DOCK11: variants seen among roughly 807,000 people sequenced by gnomAD.
The protein encoded by DOCK11 is dedicator of cytokinesis protein 11.
DOCK11 carries 70 observed loss-of-function variants against 169.1 expected under a neutral mutation model. That is an observed-to-expected ratio of 0.41 (90% CI 0.34 to 0.51). The LOEUF is 0.51. Among genes scored for constraint, DOCK11 ranks in the 20% least tolerant of loss-of-function variants. The pLI is 0.10. For missense variants in DOCK11, 1,166 were observed against 1,538.8 expected (o/e 0.76, Z 4.05); for synonymous variants, 529 against 541.3 (o/e 0.98, Z 0.32).
chrX:118,518,216 A>G (rs2057701549), intron 1 of DOCK11, among the ~76,000 whole-genome samples: 1 of 111,849 alleles, frequency 8.9e-6, no homozygotes, highest in African/African-American at 3.3e-5. Flanking sequence ...ATGAATTATG[A>G]GCTTTGAAAT....
At chrX:118,596,161 C>A (rs2014161911) in intron 20 of DOCK11, among the ~76,000 whole-genome samples, 1 of 112,181 alleles carries the variant, frequency 8.9e-6, no homozygotes, top group African/African-American at 3.2e-5. Context: ...GGCTGGAAAT[C>A]TTTTCTCATT....
At chrX:118,551,613 G>A (rs1320334008) in intron 6 of DOCK11, among the ~76,000 whole-genome samples, 1 of 110,402 alleles carries the variant, frequency 9.1e-6, no homozygotes, top group Non-Finnish European at 1.9e-5. Flanking sequence ...TGGGAGGATC[G>A]CTTGAGCCTG....
chrX:118,539,631 A>C (rs1277773741), intron 1 of DOCK11, among the ~76,000 whole-genome samples: 1 of 111,926 alleles, frequency 8.9e-6, no homozygotes, highest in Non-Finnish European at 1.9e-5. Context: ...GATAGATATA[A>C]CTAGCTTAAT....
chrX:118,553,438 T>G (rs1407051877), intron 6 of DOCK11, among the ~76,000 whole-genome samples: 2 of 111,818 alleles, frequency 1.8e-5, no homozygotes, highest in African/African-American at 6.5e-5. Flanking sequence ...TTGGCTCAAT[T>G]TGGTCACATT....
At chrX:118,558,962 G>T (rs1440791774) in intron 6 of DOCK11, among the ~76,000 whole-genome samples, 1 of 112,223 alleles carries the variant, frequency 8.9e-6, no homozygotes, top group Non-Finnish European at 1.9e-5. Flanking sequence ...TGGTTAGCAG[G>T]AGATACTGGC....
At position 118,624,630 on chromosome X, in the gene DOCK11, A is replaced by G. The variant is rs202108744; in HGVS notation, c.3563A>G (p.Tyr1188Cys). The G allele has an allele frequency of 3.8e-4, 453 of 1,197,335 alleles. No individual in the cohort carries two copies. The highest frequency in any genetic ancestry group is 4.9e-4 in the Non-Finnish European group (435 of 885,837). The stretch of plus-strand genomic sequence containing the variant: ...CGATTAGCAGGTCGAGATACCTTGT[A>G]TTCTTGTGCAGCCATGCCTAATTCT... ...IQRLAGRDTL[Y>C]SCAAMPNSAS... Residue 1188 changes from tyrosine to cysteine, a missense_variant, in exon 32 of 53, where the codon TAT (tyrosine) becomes TGT (cysteine). Transcript: ENST00000276202.
At chrX:118,630,753 T>G (rs1193609375) in intron 35 of DOCK11, among the ~76,000 whole-genome samples, 2 of 112,585 alleles carry the variant, frequency 1.8e-5, no homozygotes, top group Non-Finnish European at 3.8e-5. Context: ...GTTTTAGAAG[T>G]GCTAAACATT....
chrX:118,588,910 C>T (rs1245698146), intron 18 of DOCK11, among the ~76,000 whole-genome samples: 1 of 112,395 alleles, frequency 8.9e-6, no homozygotes, highest in Non-Finnish European at 1.9e-5. Flanking sequence ...ATGGTGCCTC[C>T]AGTCTTGGAT....
At chrX:118,528,957 G>A (rs916194106) in intron 1 of DOCK11, among the ~76,000 whole-genome samples, 1 of 109,087 alleles carries the variant, frequency 9.2e-6, no homozygotes, top group African/African-American at 3.4e-5. Flanking sequence ...ATTCAAGTGC[G>A]CAACCAATAC....
At chrX:118,569,091 C>CTTTTTTTTTTTTTT (rs1186200391) in intron 10 of DOCK11, among the ~76,000 whole-genome samples, 6 of 44,986 alleles carry the variant, frequency 1.3e-4, no homozygotes, top group African/African-American at 2.3e-4. Context: ...TCTTTCTTTC[C>CTTTTTTTTTTTTTT]TTTTTTTTTT....
In DOCK11 at chrX:118,578,581, A is replaced by G; in HGVS notation, c.1446A>G (p.Glu482=). ...AAATTTTTCTAGTTGCCAGAATTGA[A>G]AAGGTACTACAGGGAAACATTACAC... The part of the protein sequence containing the change: ...HPEIFLVARI[E]KVLQGNITHC... Residue 482 remains glutamate (E), a synonymous_variant, in exon 13 of 53, where the codon GAA becomes GAG. Transcript: ENST00000276202. The G allele has an allele frequency of 8.3e-7, 1 of 1,207,986 alleles. No individual in the cohort carries two copies. Among genetic ancestry groups the G allele is most frequent in the Non-Finnish European group, 1.1e-6 (1 of 892,357 alleles).
At chrX:118,501,567 T>C (rs768899747) in intron 1 of DOCK11, among the ~76,000 whole-genome samples, 6 of 112,423 alleles carry the variant, frequency 5.3e-5, no homozygotes, top group African/African-American at 1.6e-4. Context: ...GGCTAGTGGC[T>C]ACTATATTGG....
chrX:118,528,938 T>C (rs2011444954), intron 1 of DOCK11, among the ~76,000 whole-genome samples: 1 of 110,337 alleles, frequency 9.1e-6, no homozygotes, highest in Non-Finnish European at 1.9e-5. Context: ...CGACTTCTTC[T>C]CAGGTTTAAT....
At chrX:118,515,383 A>G (rs1033717820) in intron 1 of DOCK11, among the ~76,000 whole-genome samples, 2 of 111,189 alleles carry the variant, frequency 1.8e-5, no homozygotes, top group Non-Finnish European at 1.9e-5. Flanking sequence ...ACAGGCATGC[A>G]CCACCATGCC....
rs2016612146 is a variant in DOCK11, at chrX:118,676,515, T to C, written c.5314-76T>C. The C allele has an allele frequency of 1.1e-5, 6 of 552,805 alleles. No individual in the cohort carries two copies. The East Asian group carries it at 2.4e-4, about 23-fold the overall frequency. The allele number at this position is 552,805 out of a possible 1,213,427, so 45.6% of individuals were successfully genotyped here. A position where few individuals can be genotyped will look rare whatever the true frequency, so the allele number is the denominator to read the frequency against. The stretch of plus-strand genomic sequence containing the variant: ...TTATTTCAAATATATTATTACTAGT[T>C]ATTTAGTAGATTTTCTTTAAATGTT... On this transcript the variant is annotated intron_variant, in intron 47 of 52. Transcript: ENST00000276202.
chrX:118,561,364 CTGGG>C lies in DOCK11; in HGVS notation c.559-17_559-14del. 10 of 1,164,430 alleles carry C rather than the reference CTGGG, an allele frequency of 8.6e-6. No homozygotes were observed. Among genetic ancestry groups the C allele is most frequent in the African/African-American group, 1.8e-5 (1 of 55,762 alleles). ...TGTATATGTAACAAATGTATCATTG[CTGGG>C]TTTTCCCCATGTAGGTATTCAAGAG... is the stretch of plus-strand genomic sequence containing the variant. On this transcript the variant is annotated splice_polypyrimidine_tract_variant and intron_variant, in intron 6 of 52. Transcript: ENST00000276202.
At chrX:118,612,507 C>T (rs2014708331) in intron 28 of DOCK11, among the ~76,000 whole-genome samples, 2 of 111,943 alleles carry the variant, frequency 1.8e-5, no homozygotes, top group Non-Finnish European at 1.9e-5. Context: ...CAAACATTGG[C>T]TTGACTTCTG....
chrX:118,652,033 T>C lies in DOCK11; in HGVS notation c.4651T>C (p.Leu1551=). ...CGGAGGATCAAGATTTCAGGAGTCT[T>C]TATTCATTATCAATAATTTTGCAAA... The part of the protein sequence containing the change: ...LSGGSRFQES[L]FIINNFANSD... Residue 1551 remains leucine (L), a synonymous_variant, in exon 42 of 53, where the codon TTA becomes CTA. Transcript: ENST00000276202. The C allele has an allele frequency of 6.6e-6, 8 of 1,205,565 alleles. No individual in the cohort carries two copies. The highest frequency in any genetic ancestry group is 9.0e-6 in the Non-Finnish European group (8 of 891,684).
At chrX:118,662,955 G>A (rs2016253321) in intron 45 of DOCK11, among the ~76,000 whole-genome samples, 163 bp downstream of exon 45, 2 of 111,885 alleles carry the variant, frequency 1.8e-5, no homozygotes, top group African/African-American at 3.2e-5. Context: ...TGTTTAGAGG[G>A]CCCTGTCTCT....
Sources: allele counts gnomAD v4.1 joint callset (sites outside exome capture counted in the v4.1 genomes callset), GRCh38; gene constraint gnomAD v4.1.1; transcripts MANE v1.5; gene names NCBI Gene and HGNC (gene_info 2026-07-23, HGNC 2026-07-21).